Variants in SHOX observed in about 807,000 individuals in gnomAD.
The protein encoded by SHOX is SHOX homeobox.
SHOX carries 12 observed loss-of-function variants against 29.6 expected under a neutral mutation model. That is an observed-to-expected ratio of 0.41 (90% CI 0.26 to 0.66). SHOX has a LOEUF of 0.66. Among genes scored for constraint, SHOX ranks in the 30% least tolerant of loss-of-function variants. SHOX has a pLI of 0.35. For synonymous variants in SHOX, 214 were observed against 200.6 expected (o/e 1.07, Z -0.57); for missense variants, 499 against 437.7 (o/e 1.14, Z -1.25).
chrX:633,266 G>A (rs2052680918), intron 1 of SHOX, among the ~76,000 whole-genome samples: 1 of 152,164 alleles, frequency 6.6e-6, no homozygotes, highest in African/African-American at 2.4e-5. Flanking sequence ...AAGCCTGCGG[G>A]TGTTTGAGGA....
chrX:651,163 G>C lies in SHOX; in HGVS notation c.*6527G>C. The stretch of plus-strand genomic sequence containing the variant: ...ATGTACTATTTTAATTATGTCGAGT[G>C]TAAATTTGACATCGCGTTGCATTTA... On this transcript the variant is annotated 3_prime_UTR_variant, in exon 5 of 5. Coordinates refer to ENST00000686671, the MANE Select transcript of SHOX (RefSeq NM_000451.4). 2.5e-6 allele frequency: 1 copy of C among 401,810 alleles called. No homozygotes were observed. Among genetic ancestry groups the C allele is most frequent in the Non-Finnish European group, 5.0e-6 (1 of 201,796 alleles). 24.9% of individuals were successfully genotyped at this position (401,810 alleles called of 1,614,324 possible).
intron 1 of SHOX, 128 bp from the exon 2 acceptor site, chrX:634,490 C>G (rs774826309): frequency 3.1e-6 from 3 of 955,056 alleles, no homozygotes; most frequent in Non-Finnish European, 4.9e-6. Flanking sequence ...ATGGACCCCA[C>G]GCAGTTTTTG....
chrX:655,588 C>CTG (rs2053128077), downstream of SHOX, among the ~76,000 whole-genome samples: 1 of 51,498 alleles, frequency 1.9e-5, no homozygotes, highest in Non-Finnish European at 3.4e-5. Context: ...CTCTCTCTCT[C>CTG]TCTCTCTCTC....
At chrX:633,979 G>A (rs1446416541) in intron 1 of SHOX, among the ~76,000 whole-genome samples, 1 of 152,236 alleles carries the variant, frequency 6.6e-6, no homozygotes, top group African/African-American at 2.4e-5. Flanking sequence ...GCACACTCTG[G>A]TGGGGTAGGT....
At chrX:643,832 ACCCGGGAGAGGCTTGGACACCTGGTGT>A (rs2052911762) in intron 4 of SHOX, among the ~76,000 whole-genome samples, 1 of 110,394 alleles carries the variant, frequency 9.1e-6, no homozygotes, top group East Asian at 2.9e-4. Context: ...GGACCTGGTG[ACCCGGGAGAGGCTTGGACACCTGGTGT>A]CCCGGGAGAG....
intron 2 of SHOX, among the ~76,000 whole-genome samples, chrX:640,580 C>T (rs1187975669): frequency 6.6e-6 from 1 of 152,150 alleles, no homozygotes; most frequent in Non-Finnish European, 1.5e-5. Flanking sequence ...GATTTCAGAA[C>T]CACCACCACC....
At chrX:640,120 G>A (rs1253476508) in intron 2 of SHOX, among the ~76,000 whole-genome samples, 2 of 152,030 alleles carry the variant, frequency 1.3e-5, no homozygotes, top group African/African-American at 2.4e-5. Context: ...CCAGGAGGGT[G>A]GATCGCTTGA....
At position 640,799 on chromosome X, in the gene SHOX, T is replaced by A. The variant is rs769153548; in HGVS notation, c.487-22T>A. ...GGCTGGGTTCACAGGGCTCTTCACA[T>A]CTCTCTCTGCTTCTCCCCAAGGTTT... On this transcript the variant is annotated intron_variant, in intron 2 of 4. Transcript: ENST00000686671. 1.9e-6 allele frequency: 3 copies of A among 1,613,586 alleles called. No homozygotes were observed. The East Asian group carries it at 6.7e-5, about 36-fold the overall frequency.
chrX:640,874 T>C lies in SHOX; in HGVS notation c.540T>C (p.His180=), dbSNP rs774506816. 1 of 1,613,802 alleles carries C rather than the reference T, an allele frequency of 6.2e-7. No homozygotes were observed. The highest frequency in any genetic ancestry group is 1.7e-5 in the Admixed American group (1 of 59,986). The change falls in exon 3 of 5, where the codon CAT becomes CAC. Residue 180 remains histidine (H), a synonymous_variant. Transcript: ENST00000686671. ...GCCGCAAACAAGAGAATCAGATGCA[T>C]AAAGGTGGGTGTCGGGACTGGGGGG... ...AKCRKQENQM[H]KGVILGTANH... is the part of the protein sequence containing the mutation.
At chrX:644,314 G>T (rs1328437859) in intron 4 of SHOX, 77 bp from the exon 5 acceptor site, 3 of 1,439,714 alleles carry the variant, frequency 2.1e-6, no homozygotes, top group Non-Finnish European at 2.7e-6. Context: ...CACGTTGGAG[G>T]TTTCCGGGGG....
At chrX:639,936 C>G (rs2238844) in intron 2 of SHOX, among the ~76,000 whole-genome samples, 57,704 of 150,336 alleles carry the variant, frequency 0.38, 11,690 homozygotes, top group Middle Eastern at 0.49. Flanking sequence ...GGGAGGTGGA[C>G]GTTGCAGTGA....
chrX:641,637 G>A (rs1297352041), intron 4 of SHOX, among the ~76,000 whole-genome samples: 8 of 147,236 alleles, frequency 5.4e-5, no homozygotes, highest in African/African-American at 2.0e-4. Flanking sequence ...CCAATATCGC[G>A]CCACTGCACT....
At chrX:633,238 G>A (rs191549357) in intron 1 of SHOX, among the ~76,000 whole-genome samples, 3 of 152,240 alleles carry the variant, frequency 2.0e-5, no homozygotes, top group South Asian at 2.1e-4. Context: ...CCGAGCCTGG[G>A]AGCCCGTGGG....
intron 1 of SHOX, among the ~76,000 whole-genome samples, chrX:634,172 C>G (rs1233289393): frequency 3.3e-5 from 5 of 152,190 alleles, no homozygotes; most frequent in African/African-American, 1.2e-4. Flanking sequence ...TGCGCTGCAG[C>G]GGTGGGGATA....
At chrX:641,625 A>G (rs1369312221) in intron 4 of SHOX, among the ~76,000 whole-genome samples, 1 of 150,362 alleles carries the variant, frequency 6.7e-6, no homozygotes, top group Non-Finnish European at 1.5e-5. Flanking sequence ...GGTTGCCGTG[A>G]GCCAATATCG....
In SHOX at chrX:650,926, A is replaced by T. The variant is rs1192523955; in HGVS notation, c.*6290A>T. On this transcript the variant is annotated 3_prime_UTR_variant, in exon 5 of 5. Coordinates refer to ENST00000686671, the MANE Select transcript of SHOX (RefSeq NM_000451.4). ...TTTATAAATGTTTTATTGAAATTTG[A>T]TATTTAATGAGAAGCCGGTTAAGGA... is the stretch of plus-strand genomic sequence containing the variant. 6.6e-6 allele frequency among the ~76,000 whole-genome samples: 1 copy of T among 151,252 alleles called. No individual in the cohort carries two copies. Among genetic ancestry groups the T allele is most frequent in the Non-Finnish European group, 1.5e-5 (1 of 67,920 alleles).
exon 6 of SHOX, chrX:659,058 C>A (rs1437815165): frequency 1.3e-5 from 2 of 154,792 alleles, no homozygotes; most frequent in African/African-American, 4.9e-5. Flanking sequence ...AGCCCCTGCG[C>A]CCGGCCTTTG....
chrX:638,804 C>T (rs1453176115), intron 2 of SHOX, among the ~76,000 whole-genome samples: 6 of 152,226 alleles, frequency 3.9e-5, no homozygotes, highest in Non-Finnish European at 7.3e-5. Context: ...GGACCCAGCA[C>T]GTGTTTTGCC....
intron 1 of SHOX, among the ~76,000 whole-genome samples, chrX:632,139 G>A (rs772692550): frequency 4.5e-4 from 68 of 152,386 alleles, no homozygotes; most frequent in African/African-American, 1.6e-3. Context: ...GGAGGTGGCC[G>A]GGATCTGGAT....
Sources: allele counts gnomAD v4.1 joint callset (sites outside exome capture counted in the v4.1 genomes callset), GRCh38; gene constraint gnomAD v4.1.1; transcripts MANE v1.5; gene names NCBI Gene and HGNC (gene_info 2026-07-23, HGNC 2026-07-21).